Variants in MACROD2 observed in about 807,000 individuals in gnomAD.
The protein encoded by MACROD2 is mono-ADP ribosylhydrolase 2.
Under a neutral mutation model 70.4 loss-of-function variants are expected in MACROD2, and 36 were observed. That is an observed-to-expected ratio of 0.51 (90% confidence interval 0.39 to 0.68). MACROD2 has a LOEUF of 0.68. Ranked by LOEUF, MACROD2 falls within the 30% of genes least tolerant of loss-of-function variation. The probability of loss-of-function intolerance (pLI) is 0.00; values close to 1 mark genes in which losing one functional copy is unlikely to be tolerated. For missense variants in MACROD2, 496 were observed against 538.4 expected (o/e 0.92, Z 0.78); for synonymous variants, 172 against 178.8 (o/e 0.96, Z 0.30).
chr20:15,615,479 G>A (rs1362485349), intron 8 of MACROD2, among the ~76,000 whole-genome samples: 2 of 152,170 alleles, frequency 1.3e-5, no homozygotes, highest in Non-Finnish European at 1.5e-5. Context: ...CTTCATCAGA[G>A]CTGAGAGAGG....
chr20:15,762,446 C>T (rs893635657), intron 8 of MACROD2, among the ~76,000 whole-genome samples: 2 of 152,158 alleles, frequency 1.3e-5, no homozygotes, highest in African/African-American at 4.8e-5. Flanking sequence ...AAATTACTAA[C>T]CATTCTACCT....
intron 4 of MACROD2, among the ~76,000 whole-genome samples, chr20:14,530,732 G>A (rs181133978): frequency 9.9e-5 from 15 of 152,222 alleles, no homozygotes; most frequent in Middle Eastern, 3.4e-3. Flanking sequence ...GATTAAGAGC[G>A]CGGAAAAATA....
chr20:15,555,445 C>A (rs1222816501), intron 8 of MACROD2, among the ~76,000 whole-genome samples: 1 of 152,126 alleles, frequency 6.6e-6, no homozygotes, highest in African/African-American at 2.4e-5. Context: ...CTGGCATGAT[C>A]TAGCATTTTC....
intron 5 of MACROD2, among the ~76,000 whole-genome samples, chr20:15,197,324 G>T: frequency 6.6e-6 from 1 of 151,302 alleles, no homozygotes; most frequent in South Asian, 2.1e-4. Context: ...AATTAAAATA[G>T]TATATATATA....
At chr20:15,061,635 C>G (rs1162850006) in intron 5 of MACROD2, among the ~76,000 whole-genome samples, 1 of 152,198 alleles carries the variant, frequency 6.6e-6, no homozygotes, top group African/African-American at 2.4e-5. Context: ...CTCCATGGCT[C>G]TTAGCCAGGG....
chr20:14,286,889 A>G (rs1178119177), intron 3 of MACROD2, among the ~76,000 whole-genome samples: 2 of 152,198 alleles, frequency 1.3e-5, no homozygotes, highest in Non-Finnish European at 2.9e-5. Flanking sequence ...ATTAAAATGT[A>G]TAGATTCAGA....
chr20:14,448,171 A>C (rs1480522265), intron 3 of MACROD2, among the ~76,000 whole-genome samples: 2 of 152,018 alleles, frequency 1.3e-5, no homozygotes, highest in Non-Finnish European at 2.9e-5. Flanking sequence ...AGATTACCAC[A>C]GTCCAAAGTA....
intron 6 of MACROD2, among the ~76,000 whole-genome samples, chr20:15,365,059 T>G (rs2045389088): frequency 6.6e-6 from 1 of 152,226 alleles, no homozygotes; most frequent in Non-Finnish European, 1.5e-5. Context: ...CATTTTACTC[T>G]GATTAAGAAT....
intron 6 of MACROD2, among the ~76,000 whole-genome samples, chr20:15,276,398 T>TAAAA: frequency 3.2e-5 from 1 of 31,562 alleles, no homozygotes; most frequent in Non-Finnish European, 7.8e-5. Flanking sequence ...AGACTCCCTC[T>TAAAA]CAAAAAAATA....
intron 8 of MACROD2, among the ~76,000 whole-genome samples, chr20:15,835,886 A>G (rs918538042): frequency 6.6e-6 from 1 of 152,224 alleles, no homozygotes; most frequent in Non-Finnish European, 1.5e-5. Context: ...AAATGAGATG[A>G]AACCTGTAAA....
At chr20:14,217,605 C>T (rs2093664) in intron 3 of MACROD2, among the ~76,000 whole-genome samples, 29,211 of 150,808 alleles carry the variant, frequency 0.19, 3,308 homozygotes, top group African/African-American at 0.32. Context: ...TTTTGAATGT[C>T]TGGTAGAATT....
At chr20:15,905,332 A>G (rs1397037061) in intron 10 of MACROD2, among the ~76,000 whole-genome samples, 2 of 152,206 alleles carry the variant, frequency 1.3e-5, no homozygotes, top group Admixed American at 1.3e-4. Context: ...CTAAAGGAAA[A>G]GATCAGTTTA....
At chr20:15,811,188 T>A (rs145233222) in intron 8 of MACROD2, among the ~76,000 whole-genome samples, 4,814 of 152,008 alleles carry the variant, frequency 0.032, 145 homozygotes, top group East Asian at 0.1. Flanking sequence ...AACCTACTCA[T>A]CTGACAAAGG....
At chr20:14,230,684 T>TATATATATATATATATAC (rs2081800540) in intron 3 of MACROD2, among the ~76,000 whole-genome samples, 1 of 116,932 alleles carries the variant, frequency 8.6e-6, no homozygotes. Flanking sequence ...TATATATATA[T>TATATATATATATATATAC]ATATATATAT....
chr20:14,887,156 G>A (rs1600769547), intron 5 of MACROD2, among the ~76,000 whole-genome samples: 1 of 152,084 alleles, frequency 6.6e-6, no homozygotes, highest in South Asian at 2.1e-4. Context: ...GTGTGCATGT[G>A]TGTCTGCAAA....
intron 8 of MACROD2, among the ~76,000 whole-genome samples, chr20:15,734,730 T>G (rs1451596253): frequency 2.0e-5 from 3 of 152,182 alleles, no homozygotes; most frequent in African/African-American, 7.2e-5. Context: ...ATATAGAAAT[T>G]TCCTTTAATT....
At chr20:15,653,314 A>G (rs1369381507) in intron 8 of MACROD2, among the ~76,000 whole-genome samples, 1 of 152,250 alleles carries the variant, frequency 6.6e-6, no homozygotes, top group Non-Finnish European at 1.5e-5. Context: ...TGAGAAGCAC[A>G]TGATTTCTAT....
chr20:15,861,737 C>T (rs2064427147), intron 8 of MACROD2, among the ~76,000 whole-genome samples: 2 of 152,034 alleles, frequency 1.3e-5, no homozygotes, highest in South Asian at 4.2e-4. Flanking sequence ...TGGGAACTGT[C>T]TTACTAGTGA....
chr20:15,744,812 CTT>C lies in MACROD2; in HGVS notation c.646-117931_646-117930del, dbSNP rs377454971. ...ATGTGTGAATCCTTGGTTTGTGTCT[CTT>C]TGCAACTTTTTTTAAAATTTTTTAT... On this transcript the variant is annotated intron_variant, in intron 8 of 17. Coordinates refer to ENST00000684519, the MANE Select transcript of MACROD2 (RefSeq NM_001351661.2). Among the ~76,000 whole-genome samples the C allele has an allele frequency of 4.4e-3, 671 of 152,016 alleles. 6 individuals are homozygous for C. The highest frequency in any genetic ancestry group is 0.016 in the African/African-American group (644 of 41,488).
Sources: gnomAD v4.1 joint callset for allele counts (sites outside exome capture counted in the v4.1 genomes callset) on GRCh38, gnomAD v4.1.1 for gene constraint, MANE v1.5 for transcripts, NCBI Gene and HGNC (gene_info 2026-07-23, HGNC 2026-07-21) for gene names.